FMNL2: variants seen among roughly 807,000 people sequenced by gnomAD.
FMNL2 encodes the protein formin like 2.
A neutral mutation model predicts 130.2 loss-of-function variants in FMNL2; 51 were observed. That is an observed-to-expected ratio of 0.39 (90% CI 0.31 to 0.49). FMNL2 has a LOEUF of 0.49. FMNL2 is among the 20% of genes least tolerant of loss of function. FMNL2 has a pLI of 0.85. For synonymous variants in FMNL2, 465 were observed against 467.1 expected, an observed-to-expected ratio of 1.00 and a Z score of 0.06; for missense variants, 977 against 1,316.2, an observed-to-expected ratio of 0.74 and a Z score of 3.99.
chr2:152,441,006 C>T (rs1178696267), intron 1 of FMNL2, among the ~76,000 whole-genome samples: 1 of 152,186 alleles, frequency 6.6e-6, no homozygotes, highest in Non-Finnish European at 1.5e-5. Context: ...AGGCAAGATC[C>T]TCTTCATGAC....
intron 1 of FMNL2, among the ~76,000 whole-genome samples, chr2:152,455,596 T>C (rs1281423103): frequency 6.6e-6 from 1 of 152,152 alleles, no homozygotes; most frequent in Non-Finnish European, 1.5e-5. Context: ...CTTAACAAAA[T>C]AAAGATGAAT....
rs193280599 is a variant in FMNL2, at chr2:152,404,540, A to G, written c.117+68820A>G. Among the ~76,000 whole-genome samples, 121 of 152,284 alleles carry G rather than the reference A, an allele frequency of 7.9e-4. 1 individual carries two copies. The highest frequency in any genetic ancestry group is 2.8e-3 in the African/African-American group (118 of 41,536). On this transcript the variant is annotated intron_variant, in intron 1 of 25. Coordinates refer to ENST00000288670, the MANE Select transcript of FMNL2 (RefSeq NM_052905.4). ...TCTGATTGCCAATGATGGCTGAGTG[A>G]GTGAATGCATATTTGGAGTGACCTG...
chr2:152,496,206 A>G (rs1352170601), intron 1 of FMNL2, among the ~76,000 whole-genome samples: 4 of 151,984 alleles, frequency 2.6e-5, no homozygotes, highest in Admixed American at 1.3e-4. Flanking sequence ...TTTAGTTGTT[A>G]TGTCTCTCCA....
At chr2:152,467,707 T>G (rs1467295388) in intron 1 of FMNL2, among the ~76,000 whole-genome samples, 2 of 152,232 alleles carry the variant, frequency 1.3e-5, no homozygotes, top group African/African-American at 2.4e-5. Flanking sequence ...GTGGACTTTA[T>G]CAGTATGTAC....
intron 1 of FMNL2, among the ~76,000 whole-genome samples, chr2:152,396,997 CTAAA>C (rs1685429461): frequency 1.3e-5 from 2 of 152,158 alleles, no homozygotes; most frequent in Non-Finnish European, 2.9e-5. Context: ...AATTTGTAGA[CTAAA>C]TATGTTATTT....
rs760569802 is a variant in FMNL2, at chr2:152,611,573, T to C, written c.1030T>C (p.Phe344Leu). ...TTTCAGAGTTCACCTGCAGTATGAA[T>C]TTACCAAATTAGGCCTGGACGAATA... Reference protein sequence around the residue: ...MNFRVHLQYEFTKLGLDEYLD... With the variant: ...MNFRVHLQYELTKLGLDEYLD... Residue 344 changes from phenylalanine to leucine, a missense_variant, in exon 11 of 26, where the codon TTT (phenylalanine) becomes CTT (leucine). This residue lies in a region of FMNL2 where 689 missense variants were observed against 995.9 expected (regional missense o/e 0.69). Coordinates refer to ENST00000288670, the MANE Select transcript of FMNL2 (RefSeq NM_052905.4). The C allele has an allele frequency of 7.3e-5, 117 of 1,603,410 alleles. 1 individual carries two copies. In the Admixed American group the frequency reaches 1.9e-3, roughly 26 times the overall value.
intron 11 of FMNL2, among the ~76,000 whole-genome samples, chr2:152,612,736 C>T (rs1391455661): frequency 6.6e-6 from 1 of 152,098 alleles, no homozygotes; most frequent in Non-Finnish European, 1.5e-5. Flanking sequence ...ATGCCTCAGC[C>T]TCCTGAATAG....
At chr2:152,409,565 T>G (rs1317180770) in intron 1 of FMNL2, among the ~76,000 whole-genome samples, 4 of 152,206 alleles carry the variant, frequency 2.6e-5, no homozygotes, top group African/African-American at 9.7e-5. Context: ...TGGATAAGTT[T>G]CCCATTTGAT....
In FMNL2 at chr2:152,619,091, C is replaced by G. The variant is rs375095309; in HGVS notation, c.1560C>G (p.Ala520=). The change falls in exon 14 of 26, where the codon GCC becomes GCG. Residue 520 remains alanine, a synonymous_variant. Transcript: ENST00000288670. ...AGNSVGPTMG[A]ASSGPLPPPP... Reference sequence around the variant, plus strand: ...ACTCTGTGGGACCCACAATGGGGGCCGCTTCCTCAGGACCCTTGCCCCCTC... The same window carrying G: ...ACTCTGTGGGACCCACAATGGGGGCGGCTTCCTCAGGACCCTTGCCCCCTC... 1 of 1,611,846 alleles carries G rather than the reference C, an allele frequency of 6.2e-7. No individual in the cohort carries two copies. Among genetic ancestry groups the G allele is most frequent in the Non-Finnish European group, 8.5e-7 (1 of 1,178,412 alleles).
At chr2:152,463,085 G>A (rs573622102) in intron 1 of FMNL2, among the ~76,000 whole-genome samples, 3 of 152,348 alleles carry the variant, frequency 2.0e-5, no homozygotes, top group African/African-American at 7.2e-5. Context: ...GGGTTAGCCA[G>A]TTAGCACGTC....
At chr2:152,516,778 G>C (rs887512410) in intron 1 of FMNL2, among the ~76,000 whole-genome samples, 1 of 152,028 alleles carries the variant, frequency 6.6e-6, no homozygotes, top group Non-Finnish European at 1.5e-5. Flanking sequence ...AATGATTTGG[G>C]CACCATCATT....
At chr2:152,419,981 G>A (rs1019869122) in intron 1 of FMNL2, among the ~76,000 whole-genome samples, 2 of 152,178 alleles carry the variant, frequency 1.3e-5, no homozygotes, top group East Asian at 1.9e-4. Flanking sequence ...AAGGCTGAGA[G>A]GTTTTTAAGT....
At chr2:152,627,404 A>G (rs1681865382) in intron 17 of FMNL2, among the ~76,000 whole-genome samples, 1 of 152,230 alleles carries the variant, frequency 6.6e-6, no homozygotes, top group Non-Finnish European at 1.5e-5. Flanking sequence ...TGAAGACATT[A>G]TTAAATGTTT....
At chr2:152,472,890 C>T (rs1209392400) in intron 1 of FMNL2, among the ~76,000 whole-genome samples, 1 of 152,140 alleles carries the variant, frequency 6.6e-6, no homozygotes, top group Non-Finnish European at 1.5e-5. Context: ...ATAATGTGCA[C>T]AGAGTGTTTT....
chr2:152,621,276 G>C (rs982948521), intron 15 of FMNL2, among the ~76,000 whole-genome samples: 1 of 152,154 alleles, frequency 6.6e-6, no homozygotes, highest in Admixed American at 6.5e-5. Context: ...CCACGCACCT[G>C]AGCACTAACA....
At chr2:152,576,478 T>C (rs1161697585) in intron 7 of FMNL2, among the ~76,000 whole-genome samples, 5 of 152,194 alleles carry the variant, frequency 3.3e-5, no homozygotes, top group Admixed American at 3.3e-4. Context: ...GTCATGTAAA[T>C]AGCCCTGTGA....
At chr2:152,416,207 G>A (rs895048413) in intron 1 of FMNL2, among the ~76,000 whole-genome samples, 3 of 152,154 alleles carry the variant, frequency 2.0e-5, no homozygotes, top group African/African-American at 7.2e-5. Context: ...AAGGGAAGAG[G>A]CAGAAGTCTT....
At chr2:152,574,959 A>G (rs561010403) in intron 6 of FMNL2, among the ~76,000 whole-genome samples, 177 bp from the exon 7 acceptor site, 2 of 152,288 alleles carry the variant, frequency 1.3e-5, no homozygotes, top group South Asian at 4.1e-4. Context: ...TGGCAAAGTG[A>G]CACATTATAA....
At chr2:152,363,408 G>A (rs932644326) in intron 1 of FMNL2, among the ~76,000 whole-genome samples, 4 of 152,004 alleles carry the variant, frequency 2.6e-5, no homozygotes, top group South Asian at 2.1e-4. Flanking sequence ...TTCTATTTTC[G>A]TTTGGAGTTT....
Sources: gnomAD v4.1 joint callset for allele counts (sites outside exome capture counted in the v4.1 genomes callset) on GRCh38, gnomAD v4.1.1 for gene constraint, gnomAD v4.1.1 regional missense constraint, MANE v1.5 for transcripts, NCBI Gene and HGNC (gene_info 2026-07-23, HGNC 2026-07-21) for gene names.